The following VPS13B variants were observed in gnomAD, a reference collection of about 807,000 sequenced individuals.
VPS13B encodes the protein intermembrane lipid transfer protein VPS13B.
In VPS13B, 285 loss-of-function variants were observed where a neutral mutation model predicts 426.4. That is an observed-to-expected ratio of 0.67 (90% CI 0.61 to 0.74). VPS13B has a LOEUF of 0.74. Among genes scored for constraint, VPS13B ranks in the 30% least tolerant of loss-of-function variants. The pLI, the probability that VPS13B is intolerant of heterozygous loss-of-function variation, is 0.00. For synonymous variants in VPS13B, 1,676 were observed against 1,676.4 expected, an observed-to-expected ratio of 1.00 and a Z score of 0.01; for missense variants, 4,537 against 4,782.6, an observed-to-expected ratio of 0.95 and a Z score of 1.51.
intron 19 of VPS13B, among the ~76,000 whole-genome samples, chr8:99,287,199 A>C (rs1164315230): frequency 2.6e-5 from 4 of 151,994 alleles, no homozygotes; most frequent in Non-Finnish European, 5.9e-5. Flanking sequence ...TTAGGTATTA[A>C]GGAGATATAT....
chr8:99,392,503 T>C (rs967886597), intron 21 of VPS13B, among the ~76,000 whole-genome samples: 9 of 152,084 alleles, frequency 5.9e-5, no homozygotes, highest in African/African-American at 1.2e-4. Context: ...CCCAACCACA[T>C]TGATAAAGAT....
At chr8:99,249,941 A>G (rs1319497293) in intron 17 of VPS13B, among the ~76,000 whole-genome samples, 1 of 152,176 alleles carries the variant, frequency 6.6e-6, no homozygotes, top group African/African-American at 2.4e-5. Flanking sequence ...AGAAACTGCC[A>G]AACAGTTTTC....
At chr8:99,842,803 A>G (rs1410551083) in intron 54 of VPS13B, among the ~76,000 whole-genome samples, 5 of 152,194 alleles carry the variant, frequency 3.3e-5, no homozygotes, top group African/African-American at 1.2e-4. Context: ...GGTAGAAGAT[A>G]TTGTACTAAG....
chr8:99,384,284 G>C lies in VPS13B; in HGVS notation c.2901G>C (p.Gln967His), dbSNP rs1307157101. 6.2e-7 allele frequency: 1 copy of C among 1,613,864 alleles called. No individual in the cohort carries two copies. ...DPILYTWLIY[Q>H]PQKRTSRHMQ... Reference sequence around the variant, plus strand: ...TCTTATATACGTGGCTCATCTATCAGCCTCAGAAACGAACAAGTAGACATA... The same window carrying C: ...TCTTATATACGTGGCTCATCTATCACCCTCAGAAACGAACAAGTAGACATA... The change falls in exon 20 of 62, where the codon CAG becomes CAC. Residue 967 changes from glutamine to histidine, a missense_variant. Coordinates refer to ENST00000357162, the MANE Select transcript of VPS13B (RefSeq NM_152564.5).
rs767255464 is a variant in VPS13B, at chr8:99,502,970, T to C, written c.4157+20T>C. 6.6e-7 allele frequency: 1 copy of C among 1,519,962 alleles called. No homozygotes were observed. Among genetic ancestry groups the C allele is most frequent in the East Asian group, 2.3e-5 (1 of 44,296 alleles). 94.2% of individuals were successfully genotyped at this position (1,519,962 alleles called of 1,614,324 possible). ...AAGCAGGTAAATAATGAATAATGAA[T>C]ATAAGAAAATCTGTATTTTTCTTTG... On this transcript the variant is annotated intron_variant, in intron 27 of 61. Transcript: ENST00000357162.
At chr8:99,105,392 T>A (rs1846989703) in intron 5 of VPS13B, among the ~76,000 whole-genome samples, 2 of 152,154 alleles carry the variant, frequency 1.3e-5, no homozygotes, top group Admixed American at 1.3e-4. Context: ...TTAATTAATT[T>A]TTTTGAGACA....
At chr8:99,557,645 T>C (rs1179696462) in intron 31 of VPS13B, among the ~76,000 whole-genome samples, 2 of 152,168 alleles carry the variant, frequency 1.3e-5, no homozygotes, top group African/African-American at 4.8e-5. Flanking sequence ...CTTATTTTCC[T>C]TTGAAAAGAT....
intron 19 of VPS13B, among the ~76,000 whole-genome samples, chr8:99,299,455 A>T (rs564709479): frequency 6.6e-6 from 1 of 152,206 alleles, no homozygotes; most frequent in African/African-American, 2.4e-5. Context: ...CACATAAAGT[A>T]TGTAGTGCAG....
chr8:99,321,926 G>C (rs904268019), intron 19 of VPS13B, among the ~76,000 whole-genome samples: 1 of 152,084 alleles, frequency 6.6e-6, no homozygotes, highest in Non-Finnish European at 1.5e-5. Flanking sequence ...TGAGACTTTT[G>C]TTTTCTTTTA....
chr8:99,784,727 G>A (rs1479315146), intron 43 of VPS13B, among the ~76,000 whole-genome samples: 3 of 152,158 alleles, frequency 2.0e-5, no homozygotes, highest in African/African-American at 7.2e-5. Flanking sequence ...AGGCTGACTC[G>A]AGAGCCAGGT....
intron 21 of VPS13B, among the ~76,000 whole-genome samples, chr8:99,396,433 T>A (rs1425192194): frequency 2.6e-5 from 4 of 152,176 alleles, no homozygotes; most frequent in Non-Finnish European, 2.9e-5. Flanking sequence ...TAAAAAGATA[T>A]TTAATGAGAC....
Position 99,156,696 on chromosome 8 carries a change from C to A in VPS13B, c.2161C>A (p.Pro721Thr). Residue 721 changes from proline to threonine, a missense_variant, in exon 15 of 62, where the codon CCT becomes ACT. Physicochemically the swap from Pro to Thr is conservative, Grantham distance 38. Coordinates refer to ENST00000357162, the MANE Select transcript of VPS13B (RefSeq NM_152564.5). ...GCATGTGGTCAGCAGCCTTACTCAA[C>A]CTTCTGATAACCTGCTTCATTATTG... ...LVHVVSSLTQPSDNLLHYCYV... is the reference protein window; with the variant it reads ...LVHVVSSLTQTSDNLLHYCYV... 2 of 1,614,046 alleles carry A rather than the reference C, an allele frequency of 1.2e-6. No individual in the cohort carries two copies. Among genetic ancestry groups the A allele is most frequent in the Non-Finnish European group, 1.7e-6 (2 of 1,179,926 alleles).
intron 19 of VPS13B, among the ~76,000 whole-genome samples, chr8:99,289,987 G>A (rs1452500220): frequency 1.3e-5 from 2 of 151,934 alleles, no homozygotes; most frequent in African/African-American, 2.4e-5. Flanking sequence ...GAGTGGAGGA[G>A]GTAAGACTGA....
At chr8:99,381,436 G>A (rs974224577) in intron 19 of VPS13B, among the ~76,000 whole-genome samples, 1 of 152,128 alleles carries the variant, frequency 6.6e-6, no homozygotes, top group Non-Finnish European at 1.5e-5. Flanking sequence ...TGGGGTGGCT[G>A]GGTTGAATTG....
rs749180778 is a variant in VPS13B, at chr8:99,818,771, A to G, written c.8504A>G (p.His2835Arg). The G allele has an allele frequency of 3.7e-6, 6 of 1,614,028 alleles. No individual in the cohort carries two copies. The highest frequency in any genetic ancestry group is 1.7e-4 in the Middle Eastern group (1 of 6,060). ...RSHLPDPIII[H>R]LEKRSLGLSE... is the part of the protein sequence containing the mutation. The stretch of plus-strand genomic sequence containing the variant: ...CATCTTCCAGACCCCATTATCATAC[A>G]TTTGGAGAAAAGGAGTCTGGGATTG... Residue 2835 changes from histidine to arginine, a missense_variant, in exon 47 of 62, where the codon CAT (histidine) becomes CGT (arginine). By Grantham distance (29) the His-to-Arg change is conservative (BLOSUM62 0). Around this residue, in one of 2 missense-constraint regions of VPS13B, gnomAD observed 4,311 missense variants for 4,474.3 expected, o/e 0.96. Coordinates refer to ENST00000357162, the MANE Select transcript of VPS13B (RefSeq NM_152564.5).
chr8:99,401,966 C>G (rs1040297218), intron 21 of VPS13B, among the ~76,000 whole-genome samples: 1 of 152,156 alleles, frequency 6.6e-6, no homozygotes, highest in African/African-American at 2.4e-5. Context: ...AACTCCTGGA[C>G]TCAGGCCAGG....
chr8:99,024,259 C>T (rs1010183546), intron 2 of VPS13B, among the ~76,000 whole-genome samples: 3 of 152,132 alleles, frequency 2.0e-5, no homozygotes, highest in Non-Finnish European at 4.4e-5. Context: ...TCTCTTTGTG[C>T]GTGTGTGTGA....
chr8:99,832,932 G>A (rs1815163873), intron 52 of VPS13B, among the ~76,000 whole-genome samples: 1 of 152,080 alleles, frequency 6.6e-6, no homozygotes, highest in Admixed American at 6.5e-5. Context: ...AAGATCATAT[G>A]TATCATCATA....
At chr8:99,416,381 G>C (rs565376761) in intron 21 of VPS13B, among the ~76,000 whole-genome samples, 8 of 152,262 alleles carry the variant, frequency 5.3e-5, no homozygotes, top group African/African-American at 1.9e-4. Flanking sequence ...TGCTGAGTGA[G>C]ACCACTTGCC....
Sources: gnomAD v4.1 joint callset for allele counts (sites outside exome capture counted in the v4.1 genomes callset) on GRCh38, gnomAD v4.1.1 for gene constraint, gnomAD v4.1.1 regional missense constraint, MANE v1.5 for transcripts, NCBI Gene and HGNC (gene_info 2026-07-23, HGNC 2026-07-21) for gene names.